NFIB: variants seen among roughly 807,000 people sequenced by gnomAD.
NFIB encodes nuclear factor 1 B-type.
NFIB carries 11 observed loss-of-function variants against 61.5 expected under a neutral mutation model. That is an observed-to-expected ratio of 0.18 (90% CI 0.11 to 0.30). NFIB has a LOEUF of 0.30. NFIB is among the 10% of genes least tolerant of loss of function. NFIB has a pLI of 1.00. For missense variants in NFIB, 471 were observed against 608.9 expected (o/e 0.77, Z 2.38); for synonymous variants, 260 against 216.5 (o/e 1.20, Z -1.76).
At chr9:14,479,251 G>A in the NFIB span, among the ~76,000 whole-genome samples, 1 of 152,186 alleles carries the variant, frequency 6.6e-6, no homozygotes, top group East Asian at 1.9e-4. Flanking sequence ...GATTGCAGGG[G>A]GCTCTGGGAG....
At chr9:14,162,227 T>C (rs2044280985) in intron 3 of NFIB, among the ~76,000 whole-genome samples, 1 of 151,382 alleles carries the variant, frequency 6.6e-6, no homozygotes, top group Admixed American at 6.6e-5. Context: ...AATGAAAATG[T>C]TGGCTATGAA....
intron 2 of NFIB, among the ~76,000 whole-genome samples, chr9:14,250,439 A>C (rs996073012): frequency 6.6e-6 from 1 of 152,224 alleles, no homozygotes; most frequent in South Asian, 2.1e-4. Context: ...AAAGGAAGAC[A>C]GATTTCCAAA....
chr9:14,471,237 C>G, the NFIB span, among the ~76,000 whole-genome samples: 6 of 152,194 alleles, frequency 3.9e-5, no homozygotes, highest in African/African-American at 7.2e-5. Context: ...AACTTCCTTC[C>G]TCACATCACT....
intron 3 of NFIB, 92 bp from the exon 4 acceptor site, chr9:14,155,985 G>A: frequency 1.4e-6 from 1 of 719,620 alleles, no homozygotes; most frequent in South Asian, 2.7e-5. Context: ...TAAAGCCAAT[G>A]GTTTGAACAA....
chr9:14,234,462 C>A (rs1398690776), intron 2 of NFIB, among the ~76,000 whole-genome samples: 1 of 151,660 alleles, frequency 6.6e-6, no homozygotes, highest in East Asian at 1.9e-4. Context: ...CTCCACCTTC[C>A]GCGTTCAAGC....
intron 2 of NFIB, among the ~76,000 whole-genome samples, chr9:14,246,446 A>G (rs908450680): frequency 1.7e-4 from 26 of 152,178 alleles, no homozygotes; most frequent in African/African-American, 6.3e-4. Context: ...ACCCTGGGAT[A>G]TCAAGTTTAA....
chr9:14,202,887 C>T (rs972343983), intron 2 of NFIB, among the ~76,000 whole-genome samples: 8 of 152,290 alleles, frequency 5.3e-5, no homozygotes, highest in Admixed American at 1.3e-4. Flanking sequence ...TATTGACTAG[C>T]TTTGTGAGCT....
intron 2 of NFIB, among the ~76,000 whole-genome samples, chr9:14,188,278 C>T (rs749230994): frequency 2.0e-5 from 3 of 152,030 alleles, no homozygotes; most frequent in African/African-American, 4.8e-5. Context: ...TTAAACTGGT[C>T]GAGTTAGGGA....
chr9:14,337,809 T>G (rs961536643), intron 1 of NFIB, among the ~76,000 whole-genome samples: 1 of 152,240 alleles, frequency 6.6e-6, no homozygotes, highest in Non-Finnish European at 1.5e-5. Context: ...TCAGTTTACT[T>G]TTGTTTCAGA....
the NFIB span, among the ~76,000 whole-genome samples, chr9:14,486,615 T>G: frequency 1.3e-5 from 2 of 152,022 alleles, no homozygotes; most frequent in African/African-American, 4.8e-5. Context: ...GAGAAGGAAT[T>G]TGGTTGGATA....
intron 2 of NFIB, among the ~76,000 whole-genome samples, chr9:14,256,331 A>T (rs1055551399): frequency 2.6e-5 from 4 of 152,198 alleles, no homozygotes; most frequent in Non-Finnish European, 5.9e-5. Context: ...AAAAAAAATT[A>T]TTAATTATAT....
chr9:14,122,598 A>G (rs1384084718), intron 7 of NFIB, among the ~76,000 whole-genome samples: 3 of 152,216 alleles, frequency 2.0e-5, no homozygotes, highest in African/African-American at 7.2e-5. Context: ...CATTTAAGGA[A>G]ATACAAACAT....
At chr9:14,430,913 G>C in the NFIB span, among the ~76,000 whole-genome samples, 1 of 152,082 alleles carries the variant, frequency 6.6e-6, no homozygotes, top group African/African-American at 2.4e-5. Flanking sequence ...ATTTTGGAGA[G>C]ACAGTTTTTG....
intron 2 of NFIB, among the ~76,000 whole-genome samples, chr9:14,283,999 C>CT (rs1433775027): frequency 1.3e-5 from 2 of 152,032 alleles, no homozygotes; most frequent in African/African-American, 2.4e-5. Flanking sequence ...AGAGAAGACC[C>CT]TTTTTTAAAA....
the NFIB span, among the ~76,000 whole-genome samples, chr9:14,510,937 T>C: frequency 6.6e-6 from 1 of 152,212 alleles, no homozygotes; most frequent in Non-Finnish European, 1.5e-5. Context: ...CCTTCAAGTA[T>C]TAATATTTCA....
At chr9:14,091,633 A>G (rs1195201630) in intron 10 of NFIB, among the ~76,000 whole-genome samples, 1 of 152,082 alleles carries the variant, frequency 6.6e-6, no homozygotes, top group Admixed American at 6.6e-5. Flanking sequence ...TCAGCAATAT[A>G]TCTTTATAAG....
At chr9:14,193,290 T>C (rs1458766805) in intron 2 of NFIB, among the ~76,000 whole-genome samples, 1 of 152,118 alleles carries the variant, frequency 6.6e-6, no homozygotes, top group Non-Finnish European at 1.5e-5. Context: ...GCATGTGTTT[T>C]TCCTTCACAC....
At chr9:14,291,864 T>C (rs971187424) in intron 2 of NFIB, among the ~76,000 whole-genome samples, 2 of 151,958 alleles carry the variant, frequency 1.3e-5, no homozygotes, top group East Asian at 1.9e-4. Context: ...TATTGGAAAA[T>C]TGGCCATATA....
intron 1 of NFIB, among the ~76,000 whole-genome samples, chr9:14,331,089 G>C (rs927154045): frequency 1.3e-5 from 2 of 152,090 alleles, no homozygotes; most frequent in Non-Finnish European, 2.9e-5. Context: ...TGGGGCAATG[G>C]TTTCTCCCAA....
Sources: allele counts gnomAD v4.1 joint callset (sites outside exome capture counted in the v4.1 genomes callset), GRCh38; gene constraint gnomAD v4.1.1; transcripts MANE v1.5; gene names NCBI Gene and HGNC (gene_info 2026-07-23, HGNC 2026-07-21).